Variants in GALNT1 observed in about 807,000 individuals in gnomAD.
GALNT1 encodes the protein polypeptide N-acetylgalactosaminyltransferase 1.
In GALNT1, 17 loss-of-function variants were observed where a neutral mutation model predicts 65.7. That is an observed-to-expected ratio of 0.26 (90% CI 0.18 to 0.39). The LOEUF (loss-of-function observed/expected upper bound fraction) is 0.39, where lower values mean the gene tolerates loss of function less well. GALNT1 is among the 10% of genes least tolerant of loss of function. GALNT1 has a pLI of 1.00. For synonymous variants in GALNT1, 210 were observed against 219.7 expected, an observed-to-expected ratio of 0.96 and a Z score of 0.39; for missense variants, 460 against 672.8, an observed-to-expected ratio of 0.68 and a Z score of 3.50.
chr18:35,623,019 A>G (rs527397418), intron 1 of GALNT1, among the ~76,000 whole-genome samples: 1 of 152,198 alleles, frequency 6.6e-6, no homozygotes, highest in African/African-American at 2.4e-5. Flanking sequence ...GTCATCTATC[A>G]CATCTTCATA....
At chr18:35,636,790 T>G (rs1038615583) in intron 1 of GALNT1, among the ~76,000 whole-genome samples, 6 of 146,198 alleles carry the variant, frequency 4.1e-5, no homozygotes, top group Non-Finnish European at 7.5e-5. Flanking sequence ...TTTGTTTTTT[T>G]TTTTTTTTTT....
At chr18:35,708,637 C>T (rs1348737681) in intron 11 of GALNT1, among the ~76,000 whole-genome samples, 3 of 152,186 alleles carry the variant, frequency 2.0e-5, no homozygotes, top group African/African-American at 7.2e-5. Flanking sequence ...TTCCTGTATA[C>T]AACTACTTTG....
At chr18:35,687,988 C>T (rs2047894863) in intron 6 of GALNT1, among the ~76,000 whole-genome samples, 1 of 152,100 alleles carries the variant, frequency 6.6e-6, no homozygotes, top group South Asian at 2.1e-4. Context: ...TTTTCCTTAG[C>T]CTGAGTTCTT....
At position 35,684,838 on chromosome 18, in the gene GALNT1, G is replaced by A. The variant is rs1484460482; in HGVS notation, c.689+1240G>A. The stretch of plus-strand genomic sequence containing the variant: ...TGGGGTCACTAAGCTTCTGCCTTGA[G>A]AGACAAATAAGATGGAAGGATAGGA... On this transcript the variant is annotated intron_variant, in intron 5 of 11. Transcript: ENST00000269195. Among the ~76,000 whole-genome samples, 5 of 152,232 alleles carry A rather than the reference G, an allele frequency of 3.3e-5. No individual in the cohort carries two copies. The East Asian group carries it at 9.6e-4, about 29-fold the overall frequency.
intron 11 of GALNT1, among the ~76,000 whole-genome samples, chr18:35,705,723 A>G (rs1403209665): frequency 6.6e-6 from 1 of 152,250 alleles, no homozygotes; most frequent in African/African-American, 2.4e-5. Flanking sequence ...ATTAGGCAGT[A>G]TTTTTAGAAA....
At chr18:35,602,812 G>C (rs2046598285) in intron 1 of GALNT1, among the ~76,000 whole-genome samples, 1 of 152,104 alleles carries the variant, frequency 6.6e-6, no homozygotes. Context: ...TTGAATTCTT[G>C]ATCTGAGAGC....
chr18:35,660,722 T>C (rs905998453), intron 2 of GALNT1, among the ~76,000 whole-genome samples: 1 of 152,234 alleles, frequency 6.6e-6, no homozygotes, highest in African/African-American at 2.4e-5. Context: ...AATAGTAACA[T>C]ATATTCACTA....
At chr18:35,671,927 G>T (rs1156428338) in intron 3 of GALNT1, among the ~76,000 whole-genome samples, 2 of 152,116 alleles carry the variant, frequency 1.3e-5, no homozygotes, top group Non-Finnish European at 2.9e-5. Context: ...CCTCCAATCT[G>T]TTCTTTTGGA....
At chr18:35,605,483 T>C (rs985930528) in intron 1 of GALNT1, among the ~76,000 whole-genome samples, 1 of 149,558 alleles carries the variant, frequency 6.7e-6, no homozygotes, top group African/African-American at 2.5e-5. Flanking sequence ...GGGCCCAGAC[T>C]CTGTCTCAAA....
At chr18:35,659,031 C>T (rs181809831) in intron 2 of GALNT1, among the ~76,000 whole-genome samples, 1 of 152,108 alleles carries the variant, frequency 6.6e-6, no homozygotes, top group East Asian at 1.9e-4. Context: ...CTTAATAGAA[C>T]ACATAGGGCC....
chr18:35,603,088 T>TC (rs1199488389), intron 1 of GALNT1, among the ~76,000 whole-genome samples: 1 of 152,202 alleles, frequency 6.6e-6, no homozygotes, highest in Admixed American at 6.5e-5. Flanking sequence ...GTCTAGGTTT[T>TC]CCTTGGCTCT....
At chr18:35,612,494 G>A (rs1438899034) in intron 1 of GALNT1, among the ~76,000 whole-genome samples, 1 of 152,138 alleles carries the variant, frequency 6.6e-6, no homozygotes, top group Non-Finnish European at 1.5e-5. Context: ...TGAACAAATA[G>A]CATCATAAAT....
chr18:35,696,316 C>A (rs1222090330), intron 9 of GALNT1, among the ~76,000 whole-genome samples: 1 of 152,202 alleles, frequency 6.6e-6, no homozygotes, highest in African/African-American at 2.4e-5. Flanking sequence ...GATCTCTTCT[C>A]ATGCTTCAAG....
At chr18:35,595,248 A>G (rs2046491211) in intron 1 of GALNT1, among the ~76,000 whole-genome samples, 1 of 152,222 alleles carries the variant, frequency 6.6e-6, no homozygotes, top group South Asian at 2.1e-4. Flanking sequence ...GAAATGATAT[A>G]TGAAAAGATT....
At chr18:35,635,031 G>A (rs1030531557) in intron 1 of GALNT1, among the ~76,000 whole-genome samples, 2 of 152,300 alleles carry the variant, frequency 1.3e-5, no homozygotes, top group South Asian at 2.1e-4. Flanking sequence ...TTTGTGGAGG[G>A]TGGAGAGGTC....
intron 1 of GALNT1, among the ~76,000 whole-genome samples, chr18:35,640,547 G>A (rs1476892189): frequency 6.6e-6 from 1 of 152,194 alleles, no homozygotes; most frequent in Non-Finnish European, 1.5e-5. Context: ...TTTCAATCTA[G>A]TCAGAATCAT....
chr18:35,702,867 C>G, intron 9 of GALNT1, 30 bp from the exon 10 acceptor site: 1 of 1,456,154 alleles, frequency 6.9e-7, no homozygotes, highest in Non-Finnish European at 9.5e-7. Context: ...TCTCCAACTC[C>G]TGATATTTTC....
chr18:35,602,747 G>C (rs1201639518), intron 1 of GALNT1, among the ~76,000 whole-genome samples: 1 of 152,050 alleles, frequency 6.6e-6, no homozygotes, highest in Non-Finnish European at 1.5e-5. Context: ...ATAAATTTCT[G>C]AATTGTTTTT....
At chr18:35,593,865 C>T (rs1473953269) in intron 1 of GALNT1, among the ~76,000 whole-genome samples, 1 of 151,922 alleles carries the variant, frequency 6.6e-6, no homozygotes, top group Admixed American at 6.6e-5. Context: ...CGTGCCATCA[C>T]ACCTGGCTAA....
Sources: allele counts gnomAD v4.1 joint callset (sites outside exome capture counted in the v4.1 genomes callset), GRCh38; gene constraint gnomAD v4.1.1; transcripts MANE v1.5; gene names NCBI Gene and HGNC (gene_info 2026-07-23, HGNC 2026-07-21).